Variants in PCDH9 observed in about 807,000 individuals in gnomAD.
PCDH9 encodes protocadherin 9.
Under a neutral mutation model 70.6 loss-of-function variants are expected in PCDH9, and 24 were observed. The observed-to-expected ratio is 0.34, with a 90% CI of 0.25 to 0.48. PCDH9 has a LOEUF of 0.48. PCDH9 is among the 20% of genes least tolerant of loss of function. PCDH9 has a pLI of 0.99. For missense variants in PCDH9, 1,281 were observed against 1,503.6 expected, an observed-to-expected ratio of 0.85 and a Z score of 2.45; for synonymous variants, 562 against 558.5, an observed-to-expected ratio of 1.01 and a Z score of -0.09.
intron 3 of PCDH9, among the ~76,000 whole-genome samples, chr13:66,782,058 T>G (rs2080007565): frequency 6.6e-6 from 1 of 152,152 alleles, no homozygotes; most frequent in Admixed American, 6.6e-5. Context: ...AATTTGGTAT[T>G]TCGACTCTCC....
intron 4 of PCDH9, among the ~76,000 whole-genome samples, chr13:66,310,649 T>A (rs999897246): frequency 3.9e-5 from 6 of 152,084 alleles, no homozygotes; most frequent in Non-Finnish European, 5.9e-5. Flanking sequence ...TTAGTTTTCA[T>A]ACTGTATGAA....
At chr13:66,478,697 G>T (rs1243317673) in intron 4 of PCDH9, among the ~76,000 whole-genome samples, 1 of 152,160 alleles carries the variant, frequency 6.6e-6, no homozygotes, top group Non-Finnish European at 1.5e-5. Flanking sequence ...ATTCTAAGAA[G>T]ACTAAGAGGG....
intron 2 of PCDH9, among the ~76,000 whole-genome samples, chr13:67,095,820 G>A (rs1361080851): frequency 2.0e-5 from 3 of 152,142 alleles, no homozygotes; most frequent in African/African-American, 7.2e-5. Context: ...ACTGTTGGCT[G>A]TGTTACGTAA....
intron 2 of PCDH9, among the ~76,000 whole-genome samples, chr13:66,918,146 C>T (rs186935459): frequency 8.6e-5 from 13 of 151,272 alleles, no homozygotes; most frequent in South Asian, 2.1e-4. Context: ...TAGCCATGTA[C>T]AAGTTGCGAA....
intron 2 of PCDH9, among the ~76,000 whole-genome samples, chr13:66,932,916 T>C (rs543276088): frequency 6.6e-6 from 1 of 151,204 alleles, no homozygotes; most frequent in Non-Finnish European, 1.5e-5. Context: ...ATTAACATCA[T>C]TTTTACATAA....
chr13:66,580,103 T>A (rs762181600), intron 4 of PCDH9, among the ~76,000 whole-genome samples: 23 of 152,202 alleles, frequency 1.5e-4, no homozygotes, highest in Non-Finnish European at 2.9e-4. Context: ...AATATGTTAG[T>A]GTTAGAGTAA....
intron 2 of PCDH9, among the ~76,000 whole-genome samples, chr13:66,997,662 G>A (rs1363541446): frequency 6.6e-6 from 1 of 152,158 alleles, no homozygotes; most frequent in Non-Finnish European, 1.5e-5. Flanking sequence ...AGCCTCCCGA[G>A]TAGCTGGGAC....
At chr13:66,935,974 A>C (rs1355164507) in intron 2 of PCDH9, among the ~76,000 whole-genome samples, 2 of 152,060 alleles carry the variant, frequency 1.3e-5, no homozygotes, top group Non-Finnish European at 2.9e-5. Flanking sequence ...AGTCCCAGCT[A>C]CTCAGGAGGC....
At chr13:66,651,608 A>T (rs1446455357) in intron 3 of PCDH9, among the ~76,000 whole-genome samples, 1 of 152,056 alleles carries the variant, frequency 6.6e-6, no homozygotes, top group African/African-American at 2.4e-5. Context: ...TACCAATCTG[A>T]CTAAAACTAT....
At chr13:66,763,141 T>C (rs1042117311) in intron 3 of PCDH9, among the ~76,000 whole-genome samples, 10 of 151,510 alleles carry the variant, frequency 6.6e-5, no homozygotes, top group Admixed American at 2.6e-4. Context: ...ATTTTTTGTG[T>C]ATATATTTGT....
chr13:66,779,841 C>CTATATATATATATA (rs1461666323), intron 3 of PCDH9, among the ~76,000 whole-genome samples: 5 of 26,254 alleles, frequency 1.9e-4, no homozygotes, highest in African/African-American at 2.9e-4. Flanking sequence ...CTCTCTCTCT[C>CTATATATATATATA]TCTCTCTCTA....
intron 2 of PCDH9, among the ~76,000 whole-genome samples, chr13:66,944,815 CTCTGTG>C (rs898173418): frequency 6.7e-5 from 4 of 60,072 alleles, no homozygotes; most frequent in African/African-American, 3.2e-4. Context: ...TTCTAATCGT[CTCTGTG>C]TGTGTGTGTG....
intron 3 of PCDH9, among the ~76,000 whole-genome samples, chr13:66,813,628 T>C (rs551136441): frequency 6.6e-6 from 1 of 152,156 alleles, no homozygotes. Context: ...AGAAAAAATA[T>C]ATCGTTTGAT....
chr13:66,786,434 C>T (rs2080081314), intron 3 of PCDH9, among the ~76,000 whole-genome samples: 1 of 152,166 alleles, frequency 6.6e-6, no homozygotes, highest in South Asian at 2.1e-4. Flanking sequence ...ATCAAGAAAA[C>T]TGTCCCAATT....
intron 4 of PCDH9, among the ~76,000 whole-genome samples, chr13:66,476,618 C>T (rs1166813455): frequency 1.3e-5 from 2 of 151,934 alleles, no homozygotes; most frequent in Non-Finnish European, 2.9e-5. Context: ...TCAATAATAT[C>T]TCTGTCACAA....
chr13:66,811,568 T>TCCCC, intron 3 of PCDH9, among the ~76,000 whole-genome samples: 1 of 150,738 alleles, frequency 6.6e-6, no homozygotes, highest in East Asian at 1.9e-4. Flanking sequence ...GATTCATTCC[T>TCCCC]CCCTCCCTCC....
rs139846605 is a variant in PCDH9 at position 66,616,400 on chromosome 13, GTT to G, written c.3340+14808_3340+14809del. On this transcript the variant is annotated intron_variant, in intron 4 of 4. Transcript: ENST00000377865. ...TGCAAACCACTCATTCCTATCAGAA[GTT>G]TTTTTTTTTTTAACACATGACTGGA... Among the ~76,000 whole-genome samples the G allele has an allele frequency of 4.5e-3, 660 of 145,154 alleles. 8 individuals carry two copies. The highest frequency in any genetic ancestry group is 0.015 in the African/African-American group (587 of 39,394).
chr13:66,754,846 T>G (rs1049549101), intron 3 of PCDH9, among the ~76,000 whole-genome samples: 1 of 152,204 alleles, frequency 6.6e-6, no homozygotes, highest in Non-Finnish European at 1.5e-5. Flanking sequence ...TATATATTTA[T>G]AAATACATGT....
chr13:66,374,372 G>C (rs1276841744), intron 4 of PCDH9, among the ~76,000 whole-genome samples: 1 of 151,952 alleles, frequency 6.6e-6, no homozygotes, highest in Non-Finnish European at 1.5e-5. Context: ...TAGGAAAAAT[G>C]AGCGTGAAGG....
Sources: allele counts gnomAD v4.1 joint callset (sites outside exome capture counted in the v4.1 genomes callset), GRCh38; gene constraint gnomAD v4.1.1; transcripts MANE v1.5; gene names NCBI Gene and HGNC (gene_info 2026-07-23, HGNC 2026-07-21).